The following GLIS3 variants were observed in gnomAD, a reference collection of about 807,000 sequenced individuals.
GLIS3 encodes the protein zinc finger protein GLIS3.
GLIS3 carries 53 observed loss-of-function variants against 78.6 expected under a neutral mutation model. The ratio of observed to expected loss-of-function variants is 0.67; its 90% confidence interval spans 0.54 to 0.85. The LOEUF (loss-of-function observed/expected upper bound fraction) is 0.85. GLIS3 is among the 40% of genes least tolerant of loss of function. GLIS3 has a pLI of 0.00. For missense variants in GLIS3, 1,703 were observed against 1,231.1 expected, an observed-to-expected ratio of 1.38 and a Z score of -5.74; for synonymous variants, 684 against 509.9, an observed-to-expected ratio of 1.34 and a Z score of -4.60.
At chr9:4,418,598 C>T in the GLIS3 span, among the ~76,000 whole-genome samples, 2 of 151,960 alleles carry the variant, frequency 1.3e-5, no homozygotes, top group Admixed American at 6.6e-5. Flanking sequence ...ACTCAGGAGG[C>T]TGAGGCAGGA....
Position 4,118,016 on chromosome 9 carries a change from C to T in GLIS3, c.1462G>A (p.Asp488Asn). 6.2e-7 allele frequency: 1 copy of T among 1,605,824 alleles called. No homozygotes were observed. The highest frequency in any genetic ancestry group is 8.5e-7 in the Non-Finnish European group (1 of 1,176,414). ...QQLALPQATL[D>N]DDGEMDGIGG... ...ATGCCGTCCATCTCCCCGTCGTCGT[C>T]CAGGGTGGCCTGGGGCAAGGCCAGC... The change falls in exon 4 of 11, where the codon GAC becomes AAC. Residue 488 changes from aspartate to asparagine, a missense_variant. Asp to Asn is a conservative substitution (Grantham distance 23, BLOSUM62 1). Transcript: ENST00000381971. The surrounding 1 kb of genome is among the most constrained non-coding windows in gnomAD (Gnocchi z 4.7).
chr9:4,252,296 G>C (rs1439679039), intron 2 of GLIS3, among the ~76,000 whole-genome samples: 2 of 152,034 alleles, frequency 1.3e-5, no homozygotes, highest in South Asian at 2.1e-4. Flanking sequence ...TGGAGGCTTT[G>C]TTCATTCCTT....
At chr9:4,418,196 A>C in the GLIS3 span, among the ~76,000 whole-genome samples, 30 of 152,360 alleles carry the variant, frequency 2.0e-4, no homozygotes, top group African/African-American at 6.3e-4. Context: ...ATGTCCTTTG[A>C]AGAAGCTATT....
At chr9:4,141,954 T>C (rs996214137) in intron 2 of GLIS3, among the ~76,000 whole-genome samples, 1 of 152,214 alleles carries the variant, frequency 6.6e-6, no homozygotes, top group Non-Finnish European at 1.5e-5. Flanking sequence ...GTAAACATGA[T>C]TGGAACATGA....
chr9:4,243,560 T>C (rs1026039586), intron 2 of GLIS3, among the ~76,000 whole-genome samples: 1 of 152,220 alleles, frequency 6.6e-6, no homozygotes, highest in Non-Finnish European at 1.5e-5. Context: ...TATGAAAAGA[T>C]GGTTATTTTG....
At chr9:4,483,808 A>T in the GLIS3 span, among the ~76,000 whole-genome samples, 5 of 151,636 alleles carry the variant, frequency 3.3e-5, no homozygotes, top group South Asian at 1.0e-3. Context: ...TCCTCCTGTT[A>T]CTGACAGGGA....
the GLIS3 span, among the ~76,000 whole-genome samples, chr9:4,483,479 G>T: frequency 6.6e-6 from 1 of 151,912 alleles, no homozygotes; most frequent in East Asian, 1.9e-4. Flanking sequence ...CAGCACTTTG[G>T]GAGGCCAAGG....
At chr9:4,267,442 G>A (rs1826118766) in intron 2 of GLIS3, among the ~76,000 whole-genome samples, 2 of 152,140 alleles carry the variant, frequency 1.3e-5, no homozygotes, top group African/African-American at 4.8e-5. Flanking sequence ...TTAATTTCTG[G>A]ATGTAGAAAA....
Position 4,118,127 on chromosome 9 carries a change from G to A in GLIS3, c.1351C>T (p.Pro451Ser), listed in dbSNP as rs547050511. The A allele has an allele frequency of 9.0e-6, 14 of 1,550,390 alleles. No individual in the cohort carries two copies. The highest frequency in any genetic ancestry group is 3.6e-4 in the Middle Eastern group (2 of 5,494). Residue 451 changes from proline (P) to serine (S), a missense_variant, in exon 4 of 11, where the codon CCT (proline) becomes TCT (serine). Coordinates refer to ENST00000381971, the MANE Select transcript of GLIS3 (RefSeq NM_001042413.2). The surrounding 1 kb of genome is among the most constrained non-coding windows in gnomAD (Gnocchi z 4.7). ...VDLPPAPPLP[P>S]LPPPPGPPPP... ...GGGGGGCCTGGGGGCGGCGGCAGAG[G>A]AGGGAGCGGAGGCGCGGGGGGTAGG...
At chr9:4,326,115 G>C (rs1409442952) in intron 2 of GLIS3, among the ~76,000 whole-genome samples, 1 of 152,170 alleles carries the variant, frequency 6.6e-6, no homozygotes, top group Non-Finnish European at 1.5e-5. Context: ...TTACTTCCTA[G>C]GTGATGGGTT....
At chr9:4,018,154 G>A (rs1346842489) in intron 4 of GLIS3, among the ~76,000 whole-genome samples, 1 of 152,210 alleles carries the variant, frequency 6.6e-6, no homozygotes, top group Non-Finnish European at 1.5e-5. Flanking sequence ...AGGAAGGCAG[G>A]AAGAAAGGAA....
chr9:4,475,785 A>G, the GLIS3 span, among the ~76,000 whole-genome samples: 2,347 of 152,350 alleles, frequency 0.015, 55 homozygotes, highest in African/African-American at 0.053. Flanking sequence ...AAAAGAGGCA[A>G]CTGAAGAATA....
At chr9:4,185,573 A>C (rs1011808053) in intron 2 of GLIS3, among the ~76,000 whole-genome samples, 2 of 152,200 alleles carry the variant, frequency 1.3e-5, no homozygotes, top group Admixed American at 6.5e-5. Flanking sequence ...TCAATGTCCC[A>C]TAAGGAAGCA....
At chr9:4,164,103 C>G (rs906485737) in intron 2 of GLIS3, among the ~76,000 whole-genome samples, 3 of 152,174 alleles carry the variant, frequency 2.0e-5, no homozygotes, top group African/African-American at 4.8e-5. Context: ...TTTAATTTCC[C>G]GGATGTTATG....
At chr9:3,946,177 A>T (rs1816283309) in intron 4 of GLIS3, among the ~76,000 whole-genome samples, 1 of 152,162 alleles carries the variant, frequency 6.6e-6, no homozygotes, top group Non-Finnish European at 1.5e-5. Flanking sequence ...CCTTGCTAAC[A>T]CTTGGAAATA....
intron 2 of GLIS3, among the ~76,000 whole-genome samples, chr9:4,276,761 C>T (rs961533465): frequency 1.3e-5 from 2 of 152,110 alleles, no homozygotes; most frequent in African/African-American, 4.8e-5. Context: ...AATGCATCAT[C>T]AATTTGATTT....
chr9:3,986,422 C>CTGTG (rs1819745498), intron 4 of GLIS3, among the ~76,000 whole-genome samples: 1 of 152,224 alleles, frequency 6.6e-6, no homozygotes, highest in Non-Finnish European at 1.5e-5. Flanking sequence ...ACCACCCCCA[C>CTGTG]TGTGATCTCT....
intron 2 of GLIS3, among the ~76,000 whole-genome samples, chr9:4,186,512 C>T (rs1187344885): frequency 6.6e-6 from 1 of 151,524 alleles, no homozygotes; most frequent in African/African-American, 2.4e-5. Flanking sequence ...GGGTATATAC[C>T]CACTAATGGG....
chr9:4,359,377 C>A, the GLIS3 span, among the ~76,000 whole-genome samples: 1 of 152,174 alleles, frequency 6.6e-6, no homozygotes, highest in Non-Finnish European at 1.5e-5. Context: ...TCCTTAGAAA[C>A]AGCTGCTTAC....
Sources: gnomAD v4.1 joint callset for allele counts (sites outside exome capture counted in the v4.1 genomes callset) on GRCh38, gnomAD v4.1.1 for gene constraint, Gnocchi (gnomAD v3.1) non-coding constraint, MANE v1.5 for transcripts, NCBI Gene and HGNC (gene_info 2026-07-23, HGNC 2026-07-21) for gene names.